Variants in LRRC4C observed in about 807,000 individuals in gnomAD.
LRRC4C encodes the protein leucine-rich repeat-containing protein 4C.
A neutral mutation model predicts 33.6 loss-of-function variants in LRRC4C; 5 were observed. That is an observed-to-expected ratio of 0.15 (90% CI 0.08 to 0.31). The LOEUF (loss-of-function observed/expected upper bound fraction) is 0.31. Among genes scored for constraint, LRRC4C ranks in the 10% least tolerant of loss-of-function variants. The pLI is 1.00. For missense variants in LRRC4C, 560 were observed against 796.7 expected (o/e 0.70, Z 3.58); for synonymous variants, 329 against 302.0 (o/e 1.09, Z -0.93).
intron 2 of LRRC4C, among the ~76,000 whole-genome samples, chr11:40,653,461 C>A (rs1172617635): frequency 6.6e-6 from 1 of 152,122 alleles, no homozygotes; most frequent in Admixed American, 6.5e-5. Flanking sequence ...TTTGTCCCAG[C>A]CCTGGAGATC....
chr11:40,941,848 G>C (rs532799735), intron 1 of LRRC4C, among the ~76,000 whole-genome samples: 42 of 152,168 alleles, frequency 2.8e-4, no homozygotes, highest in Admixed American at 2.6e-3. Flanking sequence ...TAGAGAAGGG[G>C]ATAAGAAAAT....
chr11:41,114,877 A>C (rs1942034149), intron 1 of LRRC4C, among the ~76,000 whole-genome samples: 2 of 152,068 alleles, frequency 1.3e-5, no homozygotes, highest in East Asian at 1.9e-4. Context: ...TTAGTAAATA[A>C]GTTTTTCAAA....
At chr11:40,473,277 G>A (rs1000669311) in intron 3 of LRRC4C, among the ~76,000 whole-genome samples, 1 of 152,142 alleles carries the variant, frequency 6.6e-6, no homozygotes, top group Non-Finnish European at 1.5e-5. Flanking sequence ...CGTCATCCCT[G>A]GGATGCAAGG....
chr11:40,523,582 T>G (rs1955914304), intron 3 of LRRC4C, among the ~76,000 whole-genome samples: 1 of 148,508 alleles, frequency 6.7e-6, no homozygotes, highest in East Asian at 1.9e-4. Context: ...AAATATAGAT[T>G]TATATATAAT....
intron 2 of LRRC4C, among the ~76,000 whole-genome samples, chr11:40,912,213 T>C (rs1269841587): frequency 1.3e-5 from 2 of 152,028 alleles, no homozygotes; most frequent in Non-Finnish European, 2.9e-5. Context: ...AAGATACTCC[T>C]TGAGAAGAGC....
At chr11:41,156,601 G>T (rs938388039) in intron 1 of LRRC4C, among the ~76,000 whole-genome samples, 1 of 152,040 alleles carries the variant, frequency 6.6e-6, no homozygotes, top group Non-Finnish European at 1.5e-5. Context: ...AACAGAAAAA[G>T]TGCCCTAGAG....
chr11:40,842,636 A>T (rs1308117798), intron 2 of LRRC4C, among the ~76,000 whole-genome samples: 1 of 152,100 alleles, frequency 6.6e-6, no homozygotes, highest in East Asian at 1.9e-4. Flanking sequence ...CAGATCTAGG[A>T]TTTATTATTT....
chr11:40,465,315 C>T (rs888291303), intron 3 of LRRC4C, among the ~76,000 whole-genome samples: 70 of 151,954 alleles, frequency 4.6e-4, no homozygotes, highest in African/African-American at 1.5e-3. Flanking sequence ...TATCTCAAGA[C>T]GGATCAATGA....
intron 1 of LRRC4C, among the ~76,000 whole-genome samples, chr11:41,280,386 G>T (rs553430997): frequency 6.6e-6 from 1 of 152,238 alleles, no homozygotes; most frequent in Admixed American, 6.5e-5. Flanking sequence ...TTTTGGAACT[G>T]GGGATCTATT....
At chr11:41,157,289 A>G (rs146409193) in intron 1 of LRRC4C, among the ~76,000 whole-genome samples, 1 of 152,284 alleles carries the variant, frequency 6.6e-6, no homozygotes, top group Non-Finnish European at 1.5e-5. Flanking sequence ...TGGATCAGCC[A>G]GGAGGTCAGT....
At chr11:40,974,121 C>T (rs1268180150) in intron 1 of LRRC4C, among the ~76,000 whole-genome samples, 1 of 152,104 alleles carries the variant, frequency 6.6e-6, no homozygotes, top group African/African-American at 2.4e-5. Context: ...TTTTCTCTTT[C>T]ATCCCATATA....
At chr11:40,805,164 A>G (rs1565082975) in intron 2 of LRRC4C, among the ~76,000 whole-genome samples, 1 of 152,226 alleles carries the variant, frequency 6.6e-6, no homozygotes, top group Non-Finnish European at 1.5e-5. Context: ...AATGAAATTT[A>G]CATCACCTAA....
At chr11:40,131,318 C>T (rs1232007713) in intron 6 of LRRC4C, among the ~76,000 whole-genome samples, 1 of 152,020 alleles carries the variant, frequency 6.6e-6, no homozygotes, top group African/African-American at 2.4e-5. Context: ...TTGTCACCCT[C>T]CATATAAACA....
At chr11:41,076,033 C>G (rs1356035576) in intron 1 of LRRC4C, among the ~76,000 whole-genome samples, 1 of 152,278 alleles carries the variant, frequency 6.6e-6, no homozygotes, top group Non-Finnish European at 1.5e-5. Flanking sequence ...AAAGTGCCTT[C>G]TGTATTAGCT....
intron 3 of LRRC4C, among the ~76,000 whole-genome samples, chr11:40,615,052 T>A (rs900230387): frequency 6.6e-6 from 1 of 151,468 alleles, no homozygotes; most frequent in Admixed American, 6.6e-5. Context: ...ACTTGCCTTA[T>A]GCAGGGTTAC....
intron 1 of LRRC4C, among the ~76,000 whole-genome samples, chr11:41,252,095 G>A (rs75700286): frequency 0.019 from 2,866 of 152,172 alleles, 91 homozygotes; most frequent in African/African-American, 0.066. Flanking sequence ...GCACTACATG[G>A]AATTAAACAG....
intron 1 of LRRC4C, among the ~76,000 whole-genome samples, chr11:41,117,563 A>G (rs1459678855): frequency 6.6e-6 from 1 of 152,162 alleles, no homozygotes; most frequent in Non-Finnish European, 1.5e-5. Flanking sequence ...GGAATTAAGC[A>G]TTGATGTCAT....
At chr11:41,132,612 A>G (rs1267196636) in intron 1 of LRRC4C, among the ~76,000 whole-genome samples, 1 of 152,176 alleles carries the variant, frequency 6.6e-6, no homozygotes, top group African/African-American at 2.4e-5. Context: ...AATGCTGGAA[A>G]TTAAAACACA....
chr11:40,158,522 T>C (rs930737425), intron 5 of LRRC4C, among the ~76,000 whole-genome samples: 4 of 151,782 alleles, frequency 2.6e-5, no homozygotes, highest in African/African-American at 4.8e-5. Flanking sequence ...GGATTTGATA[T>C]TCTAAAACCA....
Sources: gnomAD v4.1 joint callset for allele counts (sites outside exome capture counted in the v4.1 genomes callset) on GRCh38, gnomAD v4.1.1 for gene constraint, MANE v1.5 for transcripts, NCBI Gene and HGNC (gene_info 2026-07-23, HGNC 2026-07-21) for gene names.